The following PRKCA variants were observed in gnomAD, a reference collection of about 807,000 sequenced individuals.
PRKCA encodes protein kinase C alpha type.
PRKCA carries 27 observed loss-of-function variants against 87.0 expected under a neutral mutation model. The observed-to-expected ratio is 0.31, with a 90% confidence interval of 0.23 to 0.43. The LOEUF (loss-of-function observed/expected upper bound fraction) is 0.43. PRKCA is among the 20% of genes least tolerant of loss of function. The pLI is 1.00. For missense variants in PRKCA, 518 were observed against 852.3 expected, an observed-to-expected ratio of 0.61 and a Z score of 4.88; for synonymous variants, 329 against 311.1, an observed-to-expected ratio of 1.06 and a Z score of -0.61.
intron 4 of PRKCA, among the ~76,000 whole-genome samples, chr17:66,642,501 C>T (rs149315751): frequency 5.9e-5 from 9 of 152,242 alleles, no homozygotes; most frequent in African/African-American, 1.2e-4. Context: ...ACCTTTAGGA[C>T]ATGAAAAGTT....
chr17:66,569,225 G>T (rs1968991009), intron 3 of PRKCA, among the ~76,000 whole-genome samples: 1 of 152,118 alleles, frequency 6.6e-6, no homozygotes, highest in Admixed American at 6.6e-5. Flanking sequence ...GACTGGTATT[G>T]GGGGAAGATA....
Position 66,804,865 on chromosome 17 carries a change from G to A in PRKCA, c.*828G>A, listed in dbSNP as rs1346816045. 3.1e-5 allele frequency: 9 copies of A among 286,908 alleles called. No homozygotes were observed. Among genetic ancestry groups the A allele is most frequent in the Non-Finnish European group, 4.2e-5 (8 of 191,472 alleles). The allele number at this position is 286,908 out of a possible 1,614,324, so 17.8% of individuals were successfully genotyped here. ...GGGAGATTATTTTTCCATCCAGGGT[G>A]CCATCAGTAATCATGCCACTACTCA... is the stretch of plus-strand genomic sequence containing the variant. On this transcript the variant is annotated 3_prime_UTR_variant, in exon 17 of 17. Transcript: ENST00000413366.
At chr17:66,604,875 G>A (rs1016514784) in intron 3 of PRKCA, among the ~76,000 whole-genome samples, 9 of 151,918 alleles carry the variant, frequency 5.9e-5, no homozygotes, top group African/African-American at 1.2e-4. Context: ...TTGGGGGTGC[G>A]TTGCCTGTGA....
intron 2 of PRKCA, among the ~76,000 whole-genome samples, chr17:66,352,557 G>GTT (rs1907805762): frequency 2.2e-5 from 2 of 90,296 alleles, no homozygotes; most frequent in South Asian, 5.4e-4. Flanking sequence ...TGTTTTTTGA[G>GTT]GTTTTTTTTT....
intron 8 of PRKCA, among the ~76,000 whole-genome samples, chr17:66,699,960 G>C (rs1459104505): frequency 6.6e-6 from 1 of 152,216 alleles, no homozygotes; most frequent in Non-Finnish European, 1.5e-5. Flanking sequence ...TCATTTTATG[G>C]GGCCAGCATG....
At chr17:66,470,346 C>T (rs936955440) in intron 2 of PRKCA, among the ~76,000 whole-genome samples, 3 of 142,870 alleles carry the variant, frequency 2.1e-5, no homozygotes, top group Non-Finnish European at 4.5e-5. Context: ...CTGCCTCAGC[C>T]TCTCACGTAG....
At chr17:66,352,942 A>G (rs1907839443) in intron 2 of PRKCA, among the ~76,000 whole-genome samples, 1 of 152,176 alleles carries the variant, frequency 6.6e-6, no homozygotes. Flanking sequence ...TTTTTCAGAG[A>G]TGAAATAATT....
At chr17:66,571,090 A>G (rs1434829991) in intron 3 of PRKCA, among the ~76,000 whole-genome samples, 1 of 152,228 alleles carries the variant, frequency 6.6e-6, no homozygotes, top group Non-Finnish European at 1.5e-5. Flanking sequence ...GTGTTTACAT[A>G]TACTTCTTAA....
chr17:66,478,834 C>G (rs1241340282), intron 2 of PRKCA, among the ~76,000 whole-genome samples: 1 of 152,056 alleles, frequency 6.6e-6, no homozygotes, highest in Non-Finnish European at 1.5e-5. Context: ...GTAAATAGCC[C>G]CACATCATGA....
intron 14 of PRKCA, among the ~76,000 whole-genome samples, chr17:66,776,937 G>A (rs1404645200): frequency 6.6e-6 from 1 of 152,196 alleles, no homozygotes; most frequent in East Asian, 1.9e-4. Context: ...AGAAGGTGGT[G>A]TACCAGTTAA....
chr17:66,604,819 T>C (rs1970161400), intron 3 of PRKCA, among the ~76,000 whole-genome samples: 1 of 152,206 alleles, frequency 6.6e-6, no homozygotes, highest in South Asian at 2.1e-4. Context: ...CAATTATGAT[T>C]GCACTTCTAG....
intron 2 of PRKCA, among the ~76,000 whole-genome samples, chr17:66,471,152 T>A (rs1395072025): frequency 6.6e-6 from 1 of 152,228 alleles, no homozygotes; most frequent in African/African-American, 2.4e-5. Context: ...GATGACCTAA[T>A]ATTGCATTTC....
At chr17:66,758,768 A>G (rs72838616) in intron 13 of PRKCA, among the ~76,000 whole-genome samples, 243 of 152,306 alleles carry the variant, frequency 1.6e-3, no homozygotes, top group Non-Finnish European at 2.8e-3. Context: ...CTTGGGTTCC[A>G]TATTTTCCTT....
At chr17:66,404,239 GC>G (rs1189741080) in intron 2 of PRKCA, 1 of 152,202 alleles carries the variant, frequency 6.6e-6, no homozygotes, top group Non-Finnish European at 1.5e-5. Context: ...GCTAGGAGAA[GC>G]CCAGGAAATG....
chr17:66,641,858 T>A (rs902601595), intron 4 of PRKCA, among the ~76,000 whole-genome samples: 2 of 152,154 alleles, frequency 1.3e-5, no homozygotes, highest in African/African-American at 4.8e-5. Flanking sequence ...ATTATCTTCC[T>A]GTGTCTCTAA....
chr17:66,556,869 G>T (rs1046862095), intron 3 of PRKCA, among the ~76,000 whole-genome samples: 1 of 152,044 alleles, frequency 6.6e-6, no homozygotes. Context: ...ACCCCATCTC[G>T]GGTATGTCCT....
intron 14 of PRKCA, among the ~76,000 whole-genome samples, chr17:66,778,845 C>CA (rs1231493421): frequency 0.065 from 3,956 of 61,072 alleles, 64 homozygotes; most frequent in Middle Eastern, 0.14. Context: ...ACCCTGTCTC[C>CA]AAAAAAAAAA....
intron 16 of PRKCA, among the ~76,000 whole-genome samples, chr17:66,801,007 C>T (rs536459275): frequency 1.3e-5 from 2 of 152,216 alleles, no homozygotes; most frequent in Non-Finnish European, 2.9e-5. Flanking sequence ...TTCTTCCAGG[C>T]AATAAGCATT....
At chr17:66,439,285 ACT>A (rs1913588061) in intron 2 of PRKCA, among the ~76,000 whole-genome samples, 1 of 151,532 alleles carries the variant, frequency 6.6e-6, no homozygotes, top group Non-Finnish European at 1.5e-5. Context: ...GGTTCAAGTG[ACT>A]CTTCTGCCTC....
Sources: gnomAD v4.1 joint callset for allele counts (sites outside exome capture counted in the v4.1 genomes callset) on GRCh38, gnomAD v4.1.1 for gene constraint, MANE v1.5 for transcripts, NCBI Gene and HGNC (gene_info 2026-07-23, HGNC 2026-07-21) for gene names.